The following SLC24A2 variants were observed in gnomAD, a reference collection of about 807,000 sequenced individuals.
SLC24A2 encodes the protein sodium/potassium/calcium exchanger 2.
Under a neutral mutation model 62.0 loss-of-function variants are expected in SLC24A2, and 36 were observed. The observed-to-expected ratio is 0.58, with a 90% CI of 0.44 to 0.77. The LOEUF is 0.77. SLC24A2 is among the 30% of genes least tolerant of loss of function. The probability of loss-of-function intolerance (pLI) is 0.00; values close to 1 mark genes in which losing one functional copy is unlikely to be tolerated. For synonymous variants in SLC24A2, 358 were observed against 294.0 expected, an observed-to-expected ratio of 1.22 and a Z score of -2.23; for missense variants, 846 against 817.9, an observed-to-expected ratio of 1.03 and a Z score of -0.42.
the SLC24A2 span, among the ~76,000 whole-genome samples, chr9:19,950,418 T>C: frequency 3.3e-5 from 5 of 152,228 alleles, no homozygotes; most frequent in Middle Eastern, 6.8e-3. Context: ...TTTTGCATAA[T>C]AGAGAGACTT....
chr9:20,025,012 G>A, the SLC24A2 span, among the ~76,000 whole-genome samples: 6 of 152,058 alleles, frequency 3.9e-5, no homozygotes, highest in African/African-American at 7.2e-5. Flanking sequence ...AAAGCTTTTT[G>A]ATCTCAGCCT....
the SLC24A2 span, among the ~76,000 whole-genome samples, chr9:20,167,887 GT>G: frequency 6.7e-4 from 96 of 143,326 alleles, no homozygotes; most frequent in African/African-American, 1.2e-3. Context: ...GCCCAGCCCT[GT>G]TTTTTTTTTT....
intron 10 of SLC24A2, among the ~76,000 whole-genome samples, chr9:19,519,839 G>A (rs1456523317): frequency 5.3e-5 from 8 of 152,206 alleles, no homozygotes; most frequent in Non-Finnish European, 4.4e-5. Flanking sequence ...GGGGGCTCAC[G>A]TGTAGTTCAG....
chr9:20,019,099 A>G, the SLC24A2 span, among the ~76,000 whole-genome samples: 3 of 48,774 alleles, frequency 6.2e-5, no homozygotes, highest in Non-Finnish European at 1.1e-4. Flanking sequence ...GAAAGAAAGA[A>G]AGATAGAAAG....
chr9:20,042,946 T>A, the SLC24A2 span, among the ~76,000 whole-genome samples: 1 of 152,214 alleles, frequency 6.6e-6, no homozygotes, highest in African/African-American at 2.4e-5. Context: ...TGTATTTTAA[T>A]GGCTCCAATG....
the SLC24A2 span, among the ~76,000 whole-genome samples, chr9:19,993,533 G>A: frequency 3.9e-5 from 6 of 151,998 alleles, no homozygotes; most frequent in South Asian, 2.1e-4. Flanking sequence ...TATTCATTCC[G>A]AACATTAAAT....
At chr9:19,824,403 A>T in the SLC24A2 span, among the ~76,000 whole-genome samples, 1 of 152,258 alleles carries the variant, frequency 6.6e-6, no homozygotes, top group East Asian at 1.9e-4. Context: ...TATGCAGCCA[A>T]CAAACATATG....
chr9:19,563,812 TCCTTCCTTCCTTCCTC>T (rs1205471390), intron 7 of SLC24A2, among the ~76,000 whole-genome samples: 3 of 95,636 alleles, frequency 3.1e-5, no homozygotes, highest in Admixed American at 1.0e-4. Flanking sequence ...CTTCCTTCCT[TCCTTCCTTCCTTCCTC>T]CCTCCCTCCC....
the SLC24A2 span, among the ~76,000 whole-genome samples, chr9:20,226,106 A>G: frequency 1.3e-5 from 2 of 152,154 alleles, no homozygotes; most frequent in Admixed American, 6.5e-5. Context: ...AAGTTCCAGC[A>G]GCCAATTATA....
the SLC24A2 span, among the ~76,000 whole-genome samples, chr9:20,136,744 T>C: frequency 2.0e-5 from 3 of 152,124 alleles, no homozygotes; most frequent in Non-Finnish European, 4.4e-5. Context: ...TTCAGAAAAG[T>C]AGTGAAACAG....
At chr9:19,913,747 T>A in the SLC24A2 span, among the ~76,000 whole-genome samples, 1 of 152,112 alleles carries the variant, frequency 6.6e-6, no homozygotes, top group Non-Finnish European at 1.5e-5. Flanking sequence ...GAAATTTTGT[T>A]GAATAAGGAA....
chr9:19,962,573 C>G, the SLC24A2 span, among the ~76,000 whole-genome samples: 1 of 152,140 alleles, frequency 6.6e-6, no homozygotes, highest in African/African-American at 2.4e-5. Flanking sequence ...TGAAGAGGTC[C>G]TTCCCGTCCC....
At chr9:19,518,313 A>G (rs905790659) in intron 10 of SLC24A2, among the ~76,000 whole-genome samples, 1 of 152,218 alleles carries the variant, frequency 6.6e-6, no homozygotes, top group African/African-American at 2.4e-5. Flanking sequence ...GCATACATAC[A>G]CACAAATAGC....
intron 10 of SLC24A2, among the ~76,000 whole-genome samples, chr9:19,520,265 T>G (rs1195317116): frequency 6.6e-6 from 1 of 152,220 alleles, no homozygotes; most frequent in African/African-American, 2.4e-5. Context: ...TTTTTACTTT[T>G]GACAAGTTAA....
At chr9:19,535,026 T>G (rs1833890184) in intron 8 of SLC24A2, among the ~76,000 whole-genome samples, 1 of 152,172 alleles carries the variant, frequency 6.6e-6, no homozygotes, top group Admixed American at 6.5e-5. Flanking sequence ...ACCTGTTGTT[T>G]CCTGACTTTT....
At chr9:19,806,534 G>A in the SLC24A2 span, among the ~76,000 whole-genome samples, 3 of 152,134 alleles carry the variant, frequency 2.0e-5, no homozygotes, top group Non-Finnish European at 4.4e-5. Flanking sequence ...GGTTGAGATA[G>A]TCTTTTTCTT....
At chr9:19,685,667 G>T (rs1418817668) in intron 2 of SLC24A2, among the ~76,000 whole-genome samples, 2 of 151,996 alleles carry the variant, frequency 1.3e-5, no homozygotes, top group African/African-American at 4.8e-5. Flanking sequence ...ACAAGCAATG[G>T]GGGAAAAGAC....
chr9:20,028,645 G>A, the SLC24A2 span, among the ~76,000 whole-genome samples: 13 of 152,062 alleles, frequency 8.5e-5, no homozygotes, highest in South Asian at 2.1e-4. Context: ...TTCTGCCCCC[G>A]CCTTGCAGAG....
At chr9:19,592,488 ACCTACCCAC>A (rs1836583977) in intron 5 of SLC24A2, among the ~76,000 whole-genome samples, 1 of 8,286 alleles carries the variant, frequency 1.2e-4, no homozygotes, top group African/African-American at 3.0e-4. Flanking sequence ...CTACCTACCT[ACCTACCCAC>A]CTACCTACCT....
Sources: gnomAD v4.1 joint callset for allele counts (sites outside exome capture counted in the v4.1 genomes callset) on GRCh38, gnomAD v4.1.1 for gene constraint, MANE v1.5 for transcripts, NCBI Gene and HGNC (gene_info 2026-07-23, HGNC 2026-07-21) for gene names.